The following LRP1 variants were observed in gnomAD, a reference collection of about 807,000 sequenced individuals.
LRP1 encodes LDL receptor related protein 1.
A neutral mutation model predicts 541.5 loss-of-function variants in LRP1; 51 were observed. The ratio of observed to expected loss-of-function variants is 0.09; its 90% confidence interval spans 0.08 to 0.12. LRP1 has a LOEUF of 0.12. Ranked by LOEUF, LRP1 falls within the 10% of genes least tolerant of loss-of-function variation. The pLI is 1.00. For synonymous variants in LRP1, 2,219 were observed against 2,470.8 expected (o/e 0.90, Z 3.02); for missense variants, 3,878 against 6,376.2 (o/e 0.61, Z 13.34).
chr12:57,146,542 C>T (rs561769341), intron 6 of LRP1: 1 of 152,298 alleles, frequency 6.6e-6, no homozygotes, highest in Admixed American at 6.5e-5. Flanking sequence ...AGAAAGATCC[C>T]AGGAGGTTAC....
At position 57,211,639 on chromosome 12, in the gene LRP1, A is replaced by G. The variant is rs964157514; in HGVS notation, c.13193+51A>G. The G allele has an allele frequency of 6.2e-7, 1 of 1,603,394 alleles. No homozygotes were observed. Among genetic ancestry groups the G allele is most frequent in the Non-Finnish European group, 8.5e-7 (1 of 1,170,776 alleles). On this transcript the variant is annotated intron_variant, in intron 85 of 88. Coordinates refer to ENST00000243077, the MANE Select transcript of LRP1 (RefSeq NM_002332.3). The surrounding 1 kb of genome is among the most constrained non-coding windows in gnomAD (Gnocchi z 4.3). The stretch of plus-strand genomic sequence containing the variant: ...GGCATAGATCATCGCTCCCTTCCCC[A>G]GATTTGAGCAGGAGGACCGTCAGGC...
Position 57,196,285 on chromosome 12 carries a change from C to A in LRP1, c.8892+8C>A. 2 of 1,568,978 alleles carry A rather than the reference C, an allele frequency of 1.3e-6. No individual in the cohort carries two copies. The highest frequency in any genetic ancestry group is 2.3e-5 in the South Asian group (2 of 85,422). The stretch of plus-strand genomic sequence containing the variant: ...CTCAAGATCGGCTTCAAGGTATGCC[C>A]AGCCCTGGGGAGGAGCTTCCACACC... On this transcript the variant is annotated splice_region_variant and intron_variant, in intron 55 of 88. Transcript: ENST00000243077.
rs1357530549 is a variant in LRP1, at chr12:57,203,535, C to T, written c.10951+14C>T. 2 of 1,518,002 alleles carry T rather than the reference C, an allele frequency of 1.3e-6. No individual in the cohort carries two copies. Among genetic ancestry groups the T allele is most frequent in the Non-Finnish European group, 1.8e-6 (2 of 1,127,342 alleles). 94.0% of individuals were successfully genotyped at this position (1,518,002 alleles called of 1,614,324 possible). A position where few individuals can be genotyped will look rare whatever the true frequency, so the allele number is the denominator to read the frequency against. Reference sequence around the variant, plus strand: ...GCGGCACTGGCGGTGCGCCCCTTGGCTTGGTCTCCCTGGGTCCTCCCTCTG... The same window carrying T: ...GCGGCACTGGCGGTGCGCCCCTTGGTTTGGTCTCCCTGGGTCCTCCCTCTG... On this transcript the variant is annotated intron_variant, in intron 70 of 88. Coordinates refer to ENST00000243077, the MANE Select transcript of LRP1 (RefSeq NM_002332.3).
chr12:57,200,601 T>G, intron 63 of LRP1, 66 bp downstream of exon 63: 1 of 1,559,200 alleles, frequency 6.4e-7, no homozygotes, highest in Non-Finnish European at 8.8e-7. Context: ...CCTGAGGCTT[T>G]GAATGGCCAC....
intron 4 of LRP1, 130 bp downstream of exon 4, chr12:57,143,928 T>A: frequency 3.4e-6 from 4 of 1,187,630 alleles, no homozygotes; most frequent in Non-Finnish European, 4.5e-6. Context: ...AGAGAGGGGG[T>A]GCCACCACCC....
chr12:57,136,726 A>G (rs1442414677), intron 1 of LRP1, among the ~76,000 whole-genome samples: 3 of 152,002 alleles, frequency 2.0e-5, no homozygotes, highest in African/African-American at 7.3e-5. Context: ...AATTCGGAGG[A>G]CTGGTGTGGA....
intron 68 of LRP1, 108 bp downstream of exon 68, chr12:57,202,645 TG>T: frequency 1.2e-6 from 1 of 851,448 alleles, no homozygotes; most frequent in Non-Finnish European, 1.9e-6. Context: ...CCTCCCAGGG[TG>T]GGGGCAGGAG....
At chr12:57,167,841 T>C (rs899266695) in intron 19 of LRP1, among the ~76,000 whole-genome samples, 2 of 152,172 alleles carry the variant, frequency 1.3e-5, no homozygotes, top group African/African-American at 2.4e-5. Context: ...GAGAAACCGG[T>C]GCCTGACTCC....
chr12:57,162,968 G>A lies in LRP1; in HGVS notation c.2515G>A (p.Gly839Ser), dbSNP rs571557412. The part of the protein sequence containing the change: ...CAEDQVLDAD[G>S]VTCLANPSYV... Reference sequence around the variant, plus strand: ...TGAGGACCAGGTGTTGGACGCAGACGGCGTCACTTGCTTGGGTATGAGGTG... The same window carrying A: ...TGAGGACCAGGTGTTGGACGCAGACAGCGTCACTTGCTTGGGTATGAGGTG... Residue 839 changes from glycine to serine, a missense_variant, in exon 15 of 89, where the codon GGC becomes AGC. Around this residue, in one of 13 missense-constraint regions of LRP1, gnomAD observed 496 missense variants for 861.0 expected, o/e 0.58. Coordinates refer to ENST00000243077, the MANE Select transcript of LRP1 (RefSeq NM_002332.3). The surrounding 1 kb of genome is among the most constrained non-coding windows in gnomAD (Gnocchi z 5.2). The A allele has an allele frequency of 1.2e-4, 198 of 1,603,240 alleles. 2 individuals carry two copies. The South Asian group carries it at 1.8e-3, about 14-fold the overall frequency.
Position 57,195,281 on chromosome 12 carries a change from G to A in LRP1, c.8319G>A (p.Thr2773=), listed in dbSNP as rs146392489. The A allele has an allele frequency of 3.3e-4, 526 of 1,613,924 alleles. No individual in the cohort carries two copies. The highest frequency in any genetic ancestry group is 4.1e-4 in the Non-Finnish European group (482 of 1,179,980). Residue 2773 remains threonine, a synonymous_variant, in exon 52 of 89, where the codon ACG becomes ACA. Transcript: ENST00000243077. The part of the protein sequence containing the change: ...SDEAAHCEGK[T]CGPSSFSCPG... ...TCTCTCCCCCTACAGAAGGCAAGACGTGCGGCCCCTCCTCCTTCTCCTGCC... is the reference window on the plus strand; with the variant it reads ...TCTCTCCCCCTACAGAAGGCAAGACATGCGGCCCCTCCTCCTTCTCCTGCC...
Position 57,212,117 on chromosome 12 carries a change from G to A in LRP1, c.13350G>A (p.Gly4450=), listed in dbSNP as rs2036931746. 4.3e-6 allele frequency: 7 copies of A among 1,613,862 alleles called. No homozygotes were observed. In the East Asian group the frequency reaches 6.7e-5, roughly 15 times the overall value. The change falls in exon 88 of 89, where the codon GGG becomes GGA. Residue 4450 remains glycine, a splice_region_variant and synonymous_variant. Coordinates refer to ENST00000243077, the MANE Select transcript of LRP1 (RefSeq NM_002332.3). This position sits in a 1 kb window ranked among gnomAD's most constrained non-coding sequence, Gnocchi z 5.0. ...TCCTTATACTCCTGCCTTTCCCCAG[G>A]GCTAAGGGCTTCCAGCACCAACGGA... The part of the protein sequence containing the change: ...VVFWYKRRVQ[G]AKGFQHQRMT...
intron 6 of LRP1, among the ~76,000 whole-genome samples, chr12:57,146,127 G>C (rs982800510): frequency 2.6e-5 from 4 of 152,172 alleles, no homozygotes; most frequent in African/African-American, 9.7e-5. Context: ...TGTGGAAGAA[G>C]GGGTGTCACA....
intron 6 of LRP1, among the ~76,000 whole-genome samples, chr12:57,147,901 C>G (rs1285774577): frequency 6.6e-6 from 1 of 152,146 alleles, no homozygotes; most frequent in Non-Finnish European, 1.5e-5. Context: ...CTGCCTCAGG[C>G]CCAGTGTTAT....
chr12:57,159,749 G>A, intron 11 of LRP1, 76 bp from the exon 12 acceptor site: 1 of 1,494,806 alleles, frequency 6.7e-7, no homozygotes, highest in Non-Finnish European at 9.3e-7. Context: ...AGGTACCTGA[G>A]TCCGGGAGGG....
chr12:57,173,665 GA>G lies in LRP1; in HGVS notation c.3347-114del, dbSNP rs778701590. Reference sequence around the variant, plus strand: ...CCAAAAAGCCTCGGGGTTCCTCGTGGACCCCACAGCGTTGCAATCCTGACCC... The same window carrying G: ...CCAAAAAGCCTCGGGGTTCCTCGTGGCCCCACAGCGTTGCAATCCTGACCC... On this transcript the variant is annotated intron_variant, in intron 21 of 88. Coordinates refer to ENST00000243077, the MANE Select transcript of LRP1 (RefSeq NM_002332.3). This position sits in a 1 kb window ranked among gnomAD's most constrained non-coding sequence, Gnocchi z 4.7. 1 of 1,114,348 alleles carries G rather than the reference GA, an allele frequency of 9.0e-7. No homozygotes were observed. The highest frequency in any genetic ancestry group is 1.3e-6 in the Non-Finnish European group (1 of 749,656). 69.0% of individuals were successfully genotyped at this position (1,114,348 alleles called of 1,614,324 possible).
intron 6 of LRP1, among the ~76,000 whole-genome samples, chr12:57,151,763 A>ATG (rs142491640): frequency 2.0e-5 from 3 of 151,810 alleles, no homozygotes; most frequent in East Asian, 3.9e-4. Context: ...GGCCAAGTGT[A>ATG]TGTGTGTGTG....
Position 57,206,440 on chromosome 12 carries a change from C to T in LRP1, c.11591-33C>T, listed in dbSNP as rs1259243167. On this transcript the variant is annotated intron_variant, in intron 75 of 88. Transcript: ENST00000243077. The surrounding 1 kb of genome is among the most constrained non-coding windows in gnomAD (Gnocchi z 4.7). Reference sequence around the variant, plus strand: ...CTGGGTGGGGTGCACACCTGCATCCCACAGCCCCAGCCCTGGCCTCTTGCT... The same window carrying T: ...CTGGGTGGGGTGCACACCTGCATCCTACAGCCCCAGCCCTGGCCTCTTGCT... The T allele has an allele frequency of 2.5e-6, 4 of 1,608,794 alleles. No individual in the cohort carries two copies. Among genetic ancestry groups the T allele is most frequent in the African/African-American group, 2.7e-5 (2 of 74,884 alleles).
chr12:57,191,144 C>A, intron 43 of LRP1, 135 bp downstream of exon 43: 1 of 1,125,808 alleles, frequency 8.9e-7, no homozygotes, highest in Non-Finnish European at 1.3e-6. Flanking sequence ...AGGCCCCAGC[C>A]TCGGTCAACC....
intron 6 of LRP1, among the ~76,000 whole-genome samples, chr12:57,151,724 C>T (rs1396070158): frequency 1.3e-5 from 2 of 152,160 alleles, no homozygotes; most frequent in African/African-American, 2.4e-5. Context: ...CCCTTTGAGC[C>T]CATCTCTCTA....
Sources: allele counts gnomAD v4.1 joint callset (sites outside exome capture counted in the v4.1 genomes callset), GRCh38; gene constraint gnomAD v4.1.1; regional missense constraint gnomAD v4.1.1; non-coding constraint Gnocchi (gnomAD v3.1); transcripts MANE v1.5; gene names NCBI Gene and HGNC (gene_info 2026-07-23, HGNC 2026-07-21).